OVCH1: variants seen among roughly 807,000 people sequenced by gnomAD.
OVCH1 encodes ovochymase-1.
Under a neutral mutation model 138.4 loss-of-function variants are expected in OVCH1, and 139 were observed. The observed-to-expected ratio is 1.00, with a 90% CI of 0.87 to 1.16. The LOEUF is 1.16. Ranked by LOEUF, OVCH1 falls within the 50% of genes most tolerant of loss-of-function variation. The pLI is 0.00. For synonymous variants in OVCH1, 453 were observed against 467.8 expected (o/e 0.97, Z 0.41); for missense variants, 1,367 against 1,357.9 (o/e 1.01, Z -0.11).
At chr12:29,458,935 A>T (rs542077765) in intron 19 of OVCH1, among the ~76,000 whole-genome samples, 3 of 152,358 alleles carry the variant, frequency 2.0e-5, no homozygotes, top group Non-Finnish European at 2.9e-5. Context: ...CTACAATGAG[A>T]TATCATCTCA....
the OVCH1 span, among the ~76,000 whole-genome samples, chr12:29,405,655 T>C: frequency 3.2e-4 from 49 of 152,350 alleles, no homozygotes; most frequent in African/African-American, 1.2e-3. Flanking sequence ...AAAAACTATT[T>C]TGTATGGATT....
intron 15 of OVCH1, 120 bp downstream of exon 15, chr12:29,472,909 A>G (rs1413197182): frequency 2.4e-6 from 2 of 828,340 alleles, no homozygotes; most frequent in Admixed American, 5.7e-5. Flanking sequence ...ACCTAAATAT[A>G]AGACTCATTC....
chr12:29,497,317 G>T lies in OVCH1; in HGVS notation c.64+306C>A, dbSNP rs1337658050. 6.0e-5 allele frequency among the ~76,000 whole-genome samples: 9 copies of T among 150,672 alleles called. No individual in the cohort carries two copies. In the East Asian group the frequency reaches 1.5e-3, roughly 26 times the overall value. ...GAATGACCTATACTACTCCGGAAGG[G>T]AGATATTTGTCTTTAAGTTACTTCT... On this transcript the variant is annotated intron_variant, in intron 1 of 27. Coordinates refer to ENST00000318184, the Ensembl canonical transcript of OVCH1.
chr12:29,479,020 C>G, intron 8 of OVCH1, 52 bp from the exon 10 acceptor site: 1 of 638,630 alleles, frequency 1.6e-6, no homozygotes, highest in Non-Finnish European at 2.4e-6. Context: ...GTCAGATTTG[C>G]TAAATAAAAT....
intron 3 of OVCH1, among the ~76,000 whole-genome samples, chr12:29,416,207 G>C (rs908205029): frequency 4.6e-5 from 7 of 152,050 alleles, no homozygotes; most frequent in Admixed American, 3.9e-4. Flanking sequence ...TAAGGCTAAG[G>C]CTATAGAACT....
In OVCH1 at chr12:29,440,758, C is replaced by T. The variant is rs915980509; in HGVS notation, c.3158-1324G>A. ...ATCAACATTCTCCTAAATAGAAACA[C>T]AAATATTCTTAATGCACTTACTTCT... On this transcript the variant is annotated intron_variant, in intron 25 of 27. Coordinates refer to ENST00000318184, the Ensembl canonical transcript of OVCH1. The T allele has an allele frequency of 3.7e-5, 17 of 455,698 alleles. No homozygotes were observed. Among genetic ancestry groups the T allele is most frequent in the African/African-American group, 3.2e-4 (16 of 50,046 alleles). 28.2% of individuals were successfully genotyped at this position (455,698 alleles called of 1,614,324 possible).
At chr12:29,405,851 A>C in the OVCH1 span, among the ~76,000 whole-genome samples, 1 of 152,246 alleles carries the variant, frequency 6.6e-6, no homozygotes, top group African/African-American at 2.4e-5. Context: ...TTGCCGAATA[A>C]ACATAATGTT....
chr12:29,429,865 A>T (rs1941239317), intron 27 of OVCH1, among the ~76,000 whole-genome samples: 1 of 152,236 alleles, frequency 6.6e-6, no homozygotes, highest in Admixed American at 6.5e-5. Flanking sequence ...CCTAAACTGT[A>T]GCATACTTTA....
At chr12:29,482,015 T>A (rs1297850537) in intron 8 of OVCH1, among the ~76,000 whole-genome samples, 1 of 152,234 alleles carries the variant, frequency 6.6e-6, no homozygotes, top group Non-Finnish European at 1.5e-5. Flanking sequence ...GTCTCCCAGC[T>A]TGTGGTCTTG....
intron 4 of OVCH1, 49 bp downstream of exon 4, chr12:29,495,236 A>ATTAAAAAT (rs1943381148): frequency 6.7e-7 from 1 of 1,484,190 alleles, no homozygotes; most frequent in Non-Finnish European, 9.3e-7. Flanking sequence ...GTACATAATT[A>ATTAAAAAT]GCAGTTTTCC....
chr12:29,445,841 A>G (rs1374745033), intron 22 of OVCH1, among the ~76,000 whole-genome samples: 1 of 152,122 alleles, frequency 6.6e-6, no homozygotes, highest in African/African-American at 2.4e-5. Context: ...ACCTAAGTCA[A>G]AGATAGAAGG....
intron 19 of OVCH1, among the ~76,000 whole-genome samples, chr12:29,460,281 T>C (rs942922991): frequency 6.6e-5 from 10 of 152,184 alleles, no homozygotes; most frequent in Admixed American, 5.2e-4. Context: ...CTGTCAAATA[T>C]GTAAAAGACA....
chr12:29,436,077 G>A (rs939045102), intron 26 of OVCH1, among the ~76,000 whole-genome samples: 8 of 151,862 alleles, frequency 5.3e-5, no homozygotes, highest in African/African-American at 1.9e-4. Context: ...TATGACAGGT[G>A]TTTTATTTTA....
At chr12:29,456,278 A>C (rs1941949109) in intron 19 of OVCH1, among the ~76,000 whole-genome samples, 1 of 152,212 alleles carries the variant, frequency 6.6e-6, no homozygotes, top group Non-Finnish European at 1.5e-5. Context: ...ATAAATGTTC[A>C]TTAATGGACC....
At position 29,487,941 on chromosome 12, in the gene OVCH1, C is replaced by T. The variant is rs925499425; in HGVS notation, c.703-59G>A. 10 of 1,479,230 alleles carry T rather than the reference C, an allele frequency of 6.8e-6. No homozygotes were observed. In the East Asian group the frequency reaches 2.3e-4, roughly 35 times the overall value. The allele number at this position is 1,479,230 out of a possible 1,614,324, so 91.6% of individuals were successfully genotyped here. A position where few individuals can be genotyped will look rare whatever the true frequency, so the allele number is the denominator to read the frequency against. On this transcript the variant is annotated intron_variant, in intron 6 of 27. Transcript: ENST00000318184. ...ATAGCCACAGTGTAAAATATTTCAT[C>T]ATTTCTGTAAACATCAGCACTCATC...
chr12:29,413,301 A>G (rs937744682), intron 3 of OVCH1, among the ~76,000 whole-genome samples: 9 of 152,316 alleles, frequency 5.9e-5, no homozygotes, highest in African/African-American at 2.2e-4. Context: ...CATATGCCCT[A>G]CACTCAGATG....
chr12:29,418,036 G>A (rs1263813234), intron 3 of OVCH1, among the ~76,000 whole-genome samples: 2 of 152,174 alleles, frequency 1.3e-5, no homozygotes, highest in Non-Finnish European at 2.9e-5. Flanking sequence ...TCCATGGAAA[G>A]GCATGGGCTT....
chr12:29,404,803 A>G, the OVCH1 span, among the ~76,000 whole-genome samples: 1 of 152,040 alleles, frequency 6.6e-6, no homozygotes, highest in East Asian at 1.9e-4. Flanking sequence ...CAGGCGAACC[A>G]CGAGGTCAGA....
chr12:29,485,769 C>G (rs1943079418), intron 8 of OVCH1, among the ~76,000 whole-genome samples: 1 of 151,226 alleles, frequency 6.6e-6, no homozygotes, highest in Non-Finnish European at 1.5e-5. Flanking sequence ...CAGCATGAGA[C>G]TCTGTCTCAA....
Sources: allele counts gnomAD v4.1 joint callset (sites outside exome capture counted in the v4.1 genomes callset), GRCh38; gene constraint gnomAD v4.1.1; transcripts MANE v1.5; gene names NCBI Gene and HGNC (gene_info 2026-07-23, HGNC 2026-07-21).